SIMC1: variants seen among roughly 807,000 people sequenced by gnomAD.
SIMC1 encodes SUMO interacting motifs containing 1.
In SIMC1, 55 loss-of-function variants were observed where a neutral mutation model predicts 82.3. The observed-to-expected ratio is 0.67, with a 90% CI of 0.54 to 0.84. The LOEUF (loss-of-function observed/expected upper bound fraction) is 0.84. Among genes scored for constraint, SIMC1 ranks in the 40% least tolerant of loss-of-function variants. SIMC1 has a pLI of 0.00. For synonymous variants in SIMC1, 353 were observed against 426.3 expected (o/e 0.83, Z 2.12); for missense variants, 915 against 1,107.2 (o/e 0.83, Z 2.46).
At chr5:176,277,323 A>G (rs1581243049) in intron 1 of SIMC1, among the ~76,000 whole-genome samples, 1 of 151,570 alleles carries the variant, frequency 6.6e-6, no homozygotes. Context: ...AATTTGTTTG[A>G]GTTCATTGTA....
chr5:176,262,911 CCT>C (rs1468167420), intron 1 of SIMC1, among the ~76,000 whole-genome samples: 1 of 151,524 alleles, frequency 6.6e-6, no homozygotes, highest in African/African-American at 2.4e-5. Context: ...TAGAAAAAAA[CCT>C]CTTGGAACTA....
intron 1 of SIMC1, among the ~76,000 whole-genome samples, chr5:176,284,247 T>C (rs1224643926): frequency 1.3e-5 from 2 of 152,208 alleles, no homozygotes; most frequent in African/African-American, 4.8e-5. Flanking sequence ...ACACCATACT[T>C]ATTCCAAAAC....
At chr5:176,288,362 T>A (rs1456072529) in intron 1 of SIMC1, among the ~76,000 whole-genome samples, 1 of 151,704 alleles carries the variant, frequency 6.6e-6, no homozygotes, top group East Asian at 1.9e-4. Context: ...GAGCCAAGAT[T>A]GTACCACTGC....
At chr5:176,341,718 A>G (rs534254250) in intron 9 of SIMC1, among the ~76,000 whole-genome samples, 2 of 152,292 alleles carry the variant, frequency 1.3e-5, no homozygotes, top group African/African-American at 4.8e-5. Context: ...TGAAGAGCTC[A>G]GGTTTGACAT....
chr5:176,272,579 TCAGTGGGTGCACGA>T (rs1049116374), intron 1 of SIMC1, among the ~76,000 whole-genome samples: 2 of 152,140 alleles, frequency 1.3e-5, no homozygotes, highest in Non-Finnish European at 1.5e-5. Flanking sequence ...CTGGGGCTTG[TCAGTGGGTGCACGA>T]CAGTGGGTGC....
intron 9 of SIMC1, among the ~76,000 whole-genome samples, chr5:176,344,681 G>A (rs768660842): frequency 1.3e-5 from 2 of 152,124 alleles, no homozygotes; most frequent in Non-Finnish European, 2.9e-5. Flanking sequence ...GAGGTGCTAC[G>A]TAAACACTTT....
At chr5:176,278,994 T>C (rs1762850603) in intron 1 of SIMC1, among the ~76,000 whole-genome samples, 1 of 152,228 alleles carries the variant, frequency 6.6e-6, no homozygotes, top group African/African-American at 2.4e-5. Context: ...TCTCTCTTTT[T>C]CTATTGATTG....
At chr5:176,329,525 C>G (rs370801517) in intron 7 of SIMC1, among the ~76,000 whole-genome samples, 14 of 149,592 alleles carry the variant, frequency 9.4e-5, no homozygotes, top group African/African-American at 3.4e-4. Flanking sequence ...AAATGTATAG[C>G]TATTCCATCA....
At chr5:176,324,321 A>G (rs372743464) in intron 6 of SIMC1, among the ~76,000 whole-genome samples, 1 of 152,180 alleles carries the variant, frequency 6.6e-6, no homozygotes. Context: ...GATGATCCTT[A>G]TAGTTCCCTA....
rs901802648 is a variant in SIMC1, at chr5:176,277,286, G to C, written c.130-12368G>C. On this transcript the variant is annotated intron_variant, in intron 1 of 9. Transcript: ENST00000429602. ...TGTTCATGTCCTTCGCCCACTTTTTGATGGGGTTCTTTGTTTTTTTCTTGT... is the reference window on the plus strand; with the variant it reads ...TGTTCATGTCCTTCGCCCACTTTTTCATGGGGTTCTTTGTTTTTTTCTTGT... 1.7e-3 allele frequency among the ~76,000 whole-genome samples: 254 copies of C among 151,836 alleles called. 2 individuals are homozygous for C. Among genetic ancestry groups the C allele is most frequent in the Non-Finnish European group, 3.0e-3 (206 of 67,980 alleles).
At chr5:176,271,967 T>C (rs1762454277) in intron 1 of SIMC1, among the ~76,000 whole-genome samples, 2 of 144,938 alleles carry the variant, frequency 1.4e-5, no homozygotes, top group East Asian at 2.0e-4. Flanking sequence ...ATGTATATAA[T>C]GTATATATTA....
chr5:176,321,408 A>G (rs1765151618), intron 5 of SIMC1, among the ~76,000 whole-genome samples: 1 of 150,768 alleles, frequency 6.6e-6, no homozygotes, highest in Non-Finnish European at 1.5e-5. Flanking sequence ...GCACCACTGC[A>G]CTCCAGCCTG....
chr5:176,260,613 G>GA (rs34163833), intron 1 of SIMC1, among the ~76,000 whole-genome samples: 77,265 of 151,460 alleles, frequency 0.51, 20,874 homozygotes, highest in Middle Eastern at 0.61. Flanking sequence ...GTTAAAAAAG[G>GA]AAAAAAAATG....
chr5:176,344,075 G>A (rs1766280734), intron 9 of SIMC1, among the ~76,000 whole-genome samples: 1 of 152,128 alleles, frequency 6.6e-6, no homozygotes, highest in South Asian at 2.1e-4. Context: ...GGTATGACAG[G>A]CATGAGCCAC....
chr5:176,282,460 C>G (rs956162960), intron 1 of SIMC1, among the ~76,000 whole-genome samples: 4 of 152,204 alleles, frequency 2.6e-5, no homozygotes, highest in African/African-American at 9.6e-5. Context: ...CACTGTCTGG[C>G]ACTCCCCAGT....
chr5:176,242,303 G>A (rs887498163), intron 1 of SIMC1, among the ~76,000 whole-genome samples: 1 of 151,870 alleles, frequency 6.6e-6, no homozygotes. Flanking sequence ...ATATGCAGTT[G>A]TGAGTTAATA....
chr5:176,284,961 A>G, intron 1 of SIMC1, among the ~76,000 whole-genome samples: 1 of 152,216 alleles, frequency 6.6e-6, no homozygotes, highest in Non-Finnish European at 1.5e-5. Flanking sequence ...AATAATTAAT[A>G]GCCTACCAAC....
intron 4 of SIMC1, among the ~76,000 whole-genome samples, chr5:176,306,252 C>T (rs1444987186): frequency 9.1e-6 from 1 of 110,236 alleles, no homozygotes; most frequent in African/African-American, 3.1e-5. Context: ...GTGAGGAGCC[C>T]CTCTGCCCGG....
At position 176,290,634 on chromosome 5, in the gene SIMC1, G is replaced by A. The variant is rs1763514665; in HGVS notation, c.1110G>A (p.Arg370=). Residue 370 remains arginine (R), a synonymous_variant, in exon 2 of 10, where the codon AGG becomes AGA. Transcript: ENST00000429602. ...PRDIPHLPGD[R]PDFTQNDVQN... ...ACATCCCTCACTTACCAGGAGACAG[G>A]CCTGACTTTACCCAGAATGATGTAC... is the stretch of plus-strand genomic sequence containing the variant. The A allele has an allele frequency of 1.2e-6, 2 of 1,613,880 alleles. No homozygotes were observed. Among genetic ancestry groups the A allele is most frequent in the African/African-American group, 2.7e-5 (2 of 74,906 alleles).
Sources: allele counts gnomAD v4.1 joint callset (sites outside exome capture counted in the v4.1 genomes callset), GRCh38; gene constraint gnomAD v4.1.1; transcripts MANE v1.5; gene names NCBI Gene and HGNC (gene_info 2026-07-23, HGNC 2026-07-21).